DPH6: variants seen among roughly 807,000 people sequenced by gnomAD.
DPH6 encodes diphthamine biosynthesis 6, also known as diphthine--ammonia ligase.
In DPH6, 33 loss-of-function variants were observed where a neutral mutation model predicts 38.2. The observed-to-expected ratio is 0.86, with a 90% CI of 0.65 to 1.15. DPH6 has a LOEUF of 1.15. Among genes scored for constraint, DPH6 ranks in the 50% most tolerant of loss-of-function variants. DPH6 has a pLI of 0.00. For missense variants in DPH6, 325 were observed against 320.0 expected (o/e 1.02, Z -0.12); for synonymous variants, 108 against 103.0 (o/e 1.05, Z -0.30).
At chr15:35,389,102 A>C (rs915103337) in intron 6 of DPH6, among the ~76,000 whole-genome samples, 9 of 152,154 alleles carry the variant, frequency 5.9e-5, no homozygotes, top group Admixed American at 2.0e-4. Context: ...TTATGTACCC[A>C]GTAGACATTC....
intron 3 of DPH6, among the ~76,000 whole-genome samples, chr15:35,349,304 T>C (rs2052488871): frequency 6.6e-6 from 1 of 152,232 alleles, no homozygotes; most frequent in African/African-American, 2.4e-5. Flanking sequence ...TTTTCATATA[T>C]GGCCTTTACC....
chr15:35,215,414 G>C (rs1262326327), downstream of DPH6, among the ~76,000 whole-genome samples: 1 of 151,950 alleles, frequency 6.6e-6, no homozygotes, highest in Non-Finnish European at 1.5e-5. Context: ...TTAGAGACAG[G>C]GTGTCACTCA....
At chr15:35,446,481 A>C (rs2053855504) in intron 5 of DPH6, among the ~76,000 whole-genome samples, 1 of 152,000 alleles carries the variant, frequency 6.6e-6, no homozygotes, top group African/African-American at 2.4e-5. Context: ...GGGCTCCTAA[A>C]GTCCTGGGAA....
chr15:35,520,044 T>C (rs945922171), intron 3 of DPH6: 1 of 153,406 alleles, frequency 6.5e-6, no homozygotes, highest in Non-Finnish European at 1.4e-5. Context: ...CAGAATCCTC[T>C]TTACAATCAA....
At chr15:35,270,352 A>G (rs1030530012) in intron 3 of DPH6, among the ~76,000 whole-genome samples, 16 of 152,208 alleles carry the variant, frequency 1.1e-4, no homozygotes, top group African/African-American at 3.4e-4. Flanking sequence ...GGTTCTGCTG[A>G]TCTTGTCAGC....
At chr15:35,185,724 CTTTTTTTTTTT>C in the DPH6 span, among the ~76,000 whole-genome samples, 882 of 83,036 alleles carry the variant, frequency 0.011, 11 homozygotes, top group African/African-American at 0.033. Context: ...CCAATCCACT[CTTTTTTTTTTT>C]TTTTTTTTTT....
the DPH6 span, among the ~76,000 whole-genome samples, chr15:35,166,425 C>A: frequency 1.5e-4 from 23 of 152,068 alleles, no homozygotes; most frequent in African/African-American, 5.5e-4. Flanking sequence ...TCACAAAAAA[C>A]TTACATTAAA....
chr15:35,253,313 A>C (rs947784189), intron 3 of DPH6, among the ~76,000 whole-genome samples: 4 of 152,228 alleles, frequency 2.6e-5, no homozygotes, highest in Non-Finnish European at 5.9e-5. Flanking sequence ...TAAAATTTTT[A>C]CTGCTTCCTT....
intron 3 of DPH6, among the ~76,000 whole-genome samples, chr15:35,455,431 G>A (rs1231783117): frequency 2.6e-5 from 4 of 152,108 alleles, no homozygotes; most frequent in Non-Finnish European, 4.4e-5. Flanking sequence ...TGGTCCCACA[G>A]GAATGACAAC....
At chr15:35,335,198 CT>C (rs1157390010) in intron 3 of DPH6, among the ~76,000 whole-genome samples, 5 of 152,006 alleles carry the variant, frequency 3.3e-5, no homozygotes, top group Non-Finnish European at 5.9e-5. Flanking sequence ...GCATGTATGC[CT>C]TCTTTTGGTA....
intron 3 of DPH6, among the ~76,000 whole-genome samples, chr15:35,501,593 A>G (rs2054628508): frequency 6.6e-6 from 1 of 152,192 alleles, no homozygotes; most frequent in Admixed American, 6.5e-5. Flanking sequence ...TTGGAAAGTC[A>G]GTACAGTTAT....
the DPH6 span, among the ~76,000 whole-genome samples, chr15:35,185,834 G>A: frequency 5.5e-5 from 8 of 144,752 alleles, no homozygotes; most frequent in Non-Finnish European, 9.0e-5. Flanking sequence ...CCGGGTTCAC[G>A]CCATTCTCCT....
chr15:35,226,616 A>G lies in DPH6; in HGVS notation n.201-6034T>C, dbSNP rs72707084. Reference sequence around the variant, plus strand: ...TACAAATAAAATTAAATACCTAGGAATTAACTGAAGAGGTGAAAGACCTCT... The same window carrying G: ...TACAAATAAAATTAAATACCTAGGAGTTAACTGAAGAGGTGAAAGACCTCT... On this transcript the variant is annotated intron_variant and non_coding_transcript_variant, in intron 3 of 3. Coordinates refer to the DPH6 transcript ENST00000560386. 1.6e-3 allele frequency among the ~76,000 whole-genome samples: 242 copies of G among 152,354 alleles called. 1 individual carries two copies. The highest frequency in any genetic ancestry group is 4.1e-3 in the East Asian group (21 of 5,182).
intron 3 of DPH6, among the ~76,000 whole-genome samples, chr15:35,257,662 TG>T (rs2140414810): frequency 6.6e-6 from 1 of 152,236 alleles, no homozygotes; most frequent in East Asian, 1.9e-4. Context: ...TCATGAGTAC[TG>T]GAACTACAGT....
At chr15:35,233,338 T>C (rs932487852) in intron 3 of DPH6, among the ~76,000 whole-genome samples, 3 of 152,060 alleles carry the variant, frequency 2.0e-5, no homozygotes, top group East Asian at 1.9e-4. Flanking sequence ...GAAGGGGTAC[T>C]ACATGTACAG....
intron 5 of DPH6, among the ~76,000 whole-genome samples, chr15:35,444,647 T>A (rs181272271): frequency 5.3e-5 from 8 of 152,316 alleles, no homozygotes; most frequent in Admixed American, 1.3e-4. Context: ...CTTTCCTACA[T>A]AAGAGTATAA....
intron 3 of DPH6, among the ~76,000 whole-genome samples, chr15:35,246,291 A>G (rs1021353720): frequency 1.3e-5 from 2 of 152,210 alleles, no homozygotes. Context: ...ACTGGTGAAC[A>G]GTTATTTCTT....
chr15:35,412,644 G>C (rs1362818666), intron 5 of DPH6, among the ~76,000 whole-genome samples: 1 of 151,658 alleles, frequency 6.6e-6, no homozygotes, highest in Non-Finnish European at 1.5e-5. Context: ...ATTATTCAGT[G>C]CTAAAAAGAA....
rs59974813 is a variant in DPH6 at position 35,392,408 on chromosome 15, G to GA, written c.568-10493dup. Among the ~76,000 whole-genome samples, 928 of 137,960 alleles carry GA rather than the reference G, an allele frequency of 6.7e-3. 4 individuals carry two copies. Among genetic ancestry groups the GA allele is most frequent in the Non-Finnish European group, 9.9e-3 (617 of 62,434 alleles). 90.5% of individuals were successfully genotyped at this position (137,960 alleles called of 152,430 possible). On this transcript the variant is annotated intron_variant, in intron 6 of 8. Transcript: ENST00000256538. ...CTTATCTGTTAGTCATTTTAAAATG[G>GA]AAAAAAAAAAAAAGCCAAACTCATA...
Sources: gnomAD v4.1 joint callset for allele counts (sites outside exome capture counted in the v4.1 genomes callset) on GRCh38, gnomAD v4.1.1 for gene constraint, MANE v1.5 for transcripts, NCBI Gene and HGNC (gene_info 2026-07-23, HGNC 2026-07-21) for gene names.